The following ADGRG7 variants were observed in gnomAD, a reference collection of about 807,000 sequenced individuals.
ADGRG7 encodes G-protein coupled receptor 128.
A neutral mutation model predicts 88.6 loss-of-function variants in ADGRG7; 82 were observed. That is an observed-to-expected ratio of 0.93 (90% CI 0.77 to 1.11). ADGRG7 has a LOEUF of 1.11. Ranked by LOEUF, ADGRG7 falls within the 50% of genes most tolerant of loss-of-function variation. The pLI, the probability that ADGRG7 is intolerant of heterozygous loss-of-function variation, is 0.00. For synonymous variants in ADGRG7, 381 were observed against 345.2 expected, an observed-to-expected ratio of 1.10 and a Z score of -1.15; for missense variants, 945 against 953.4, an observed-to-expected ratio of 0.99 and a Z score of 0.12.
At chr3:100,622,643 G>T (rs1386399665) in intron 1 of ADGRG7, among the ~76,000 whole-genome samples, 1 of 152,072 alleles carries the variant, frequency 6.6e-6, no homozygotes, top group Non-Finnish European at 1.5e-5. Context: ...TTTACAAATT[G>T]CAATTCTAAT....
chr3:100,669,830 G>T (rs920873404), intron 15 of ADGRG7, among the ~76,000 whole-genome samples: 2 of 152,134 alleles, frequency 1.3e-5, no homozygotes, highest in Non-Finnish European at 2.9e-5. Flanking sequence ...GAGGTCAGGA[G>T]TTCAAGACCA....
intron 15 of ADGRG7, among the ~76,000 whole-genome samples, chr3:100,678,438 T>G (rs1170656316): frequency 6.7e-6 from 1 of 149,342 alleles, no homozygotes; most frequent in Non-Finnish European, 1.5e-5. Flanking sequence ...ACTGGTGCCT[T>G]ATTTATTTAT....
chr3:100,668,886 T>A (rs2094954784), intron 14 of ADGRG7, 63 bp from the exon 15 acceptor site: 9 of 1,218,646 alleles, frequency 7.4e-6, no homozygotes, highest in Non-Finnish European at 1.0e-5. Flanking sequence ...AGGAGAGTAA[T>A]AATGACGTTG....
chr3:100,671,474 T>A (rs2094958566), intron 15 of ADGRG7, among the ~76,000 whole-genome samples: 1 of 152,232 alleles, frequency 6.6e-6, no homozygotes, highest in South Asian at 2.1e-4. Flanking sequence ...ATGGATAGAT[T>A]ACAAAAATTT....
At position 100,633,383 on chromosome 3, in the gene ADGRG7, C is replaced by A; in HGVS notation, c.447+6C>A. On this transcript the variant is annotated splice_donor_region_variant and intron_variant, in intron 4 of 15. Transcript: ENST00000273352. ...TGGAAACCCTGGAAAAGCAGGTATG[C>A]CATATGACTCACTGATGGGCAACTG... The A allele has an allele frequency of 1.3e-6, 2 of 1,505,180 alleles. No homozygotes were observed. Among genetic ancestry groups the A allele is most frequent in the Non-Finnish European group, 1.8e-6 (2 of 1,105,044 alleles). 93.2% of individuals were successfully genotyped at this position (1,505,180 alleles called of 1,614,324 possible).
At chr3:100,661,183 A>G (rs1211988926) in intron 14 of ADGRG7, among the ~76,000 whole-genome samples, 1 of 152,174 alleles carries the variant, frequency 6.6e-6, no homozygotes, top group Non-Finnish European at 1.5e-5. Context: ...TATTAAACAC[A>G]TATACTCTAC....
rs572775732 is a variant in ADGRG7 at position 100,693,124 on chromosome 3, TC to T, written c.2137-1618del. Among the ~76,000 whole-genome samples the T allele has an allele frequency of 3.4e-3, 518 of 152,216 alleles. 5 individuals carry two copies. Among genetic ancestry groups the T allele is most frequent in the Non-Finnish European group, 5.0e-3 (341 of 68,010 alleles). ...TTAGGAAGCACAGAAATATTGGGAGTCCACCCAAACAGGTCCAACAGGATGG... is the reference window on the plus strand; with the variant it reads ...TTAGGAAGCACAGAAATATTGGGAGTCACCCAAACAGGTCCAACAGGATGG... On this transcript the variant is annotated intron_variant, in intron 15 of 15. Transcript: ENST00000273352.
intron 11 of ADGRG7, 169 bp from the exon 12 acceptor site, chr3:100,654,666 G>C (rs2094935098): frequency 3.7e-6 from 2 of 539,416 alleles, no homozygotes; most frequent in Admixed American, 3.4e-5. Flanking sequence ...GGAAAGTATA[G>C]TTTTCTGATG....
chr3:100,628,960 ATCT>A (rs1219652773), intron 1 of ADGRG7, among the ~76,000 whole-genome samples: 1 of 152,046 alleles, frequency 6.6e-6, no homozygotes, highest in Non-Finnish European at 1.5e-5. Flanking sequence ...TCAAGATTAA[ATCT>A]TCTTGGTTTG....
chr3:100,678,117 T>C (rs1286616633), intron 15 of ADGRG7, among the ~76,000 whole-genome samples: 1 of 152,056 alleles, frequency 6.6e-6, no homozygotes, highest in Non-Finnish European at 1.5e-5. Context: ...ATTTTTATTC[T>C]TTTTTCTTCT....
chr3:100,670,582 T>G (rs568347470), intron 15 of ADGRG7, among the ~76,000 whole-genome samples: 14 of 152,176 alleles, frequency 9.2e-5, no homozygotes, highest in Non-Finnish European at 2.1e-4. Flanking sequence ...ATTATTAAAC[T>G]TTAAGTTCTG....
chr3:100,643,154 C>T, intron 6 of ADGRG7, 112 bp from the exon 7 acceptor site: 1 of 956,432 alleles, frequency 1.0e-6, no homozygotes, highest in South Asian at 1.7e-5. Flanking sequence ...TCAATGTTGT[C>T]ATGACCACAC....
intron 15 of ADGRG7, among the ~76,000 whole-genome samples, chr3:100,691,954 G>A (rs551149573): frequency 1.3e-4 from 20 of 152,216 alleles, no homozygotes; most frequent in African/African-American, 4.8e-4. Flanking sequence ...TCAATATCAG[G>A]ATGAGCTATT....
chr3:100,621,051 G>A (rs906094806), intron 1 of ADGRG7, among the ~76,000 whole-genome samples: 7 of 151,956 alleles, frequency 4.6e-5, no homozygotes, highest in East Asian at 3.9e-4. Context: ...TTTGGGTGCC[G>A]TGAACCACGT....
chr3:100,610,790 A>G (rs1250373733), intron 1 of ADGRG7, among the ~76,000 whole-genome samples: 1 of 152,216 alleles, frequency 6.6e-6, no homozygotes, highest in Non-Finnish European at 1.5e-5. Flanking sequence ...GAAACAATAA[A>G]TAAGGGTAAA....
At chr3:100,646,502 A>T in intron 9 of ADGRG7, 67 bp from the exon 10 acceptor site, 2 of 1,277,354 alleles carry the variant, frequency 1.6e-6, no homozygotes, top group Non-Finnish European at 2.2e-6. Flanking sequence ...GTCTTATACT[A>T]CTTGATTTTT....
intron 14 of ADGRG7, among the ~76,000 whole-genome samples, chr3:100,664,645 A>C (rs1462989883): frequency 6.6e-6 from 1 of 152,194 alleles, no homozygotes; most frequent in Non-Finnish European, 1.5e-5. Flanking sequence ...TGATTTGACA[A>C]GTGATAATAA....
chr3:100,694,414 A>C (rs1389468983), intron 15 of ADGRG7, among the ~76,000 whole-genome samples: 1 of 152,210 alleles, frequency 6.6e-6, no homozygotes, highest in Non-Finnish European at 1.5e-5. Flanking sequence ...AGAATTAGGT[A>C]TTTCATAGTT....
rs534917245 is a variant in ADGRG7 at position 100,662,196 on chromosome 3, A to T, written c.1979+2353A>T. On this transcript the variant is annotated intron_variant, in intron 14 of 15. Transcript: ENST00000273352. ...AACAGCCAAATTTAATTTGGCAATA[A>T]ACTCCCCTAACTGGAAATTTTTAGC... Among the ~76,000 whole-genome samples the T allele has an allele frequency of 3.3e-5, 5 of 152,260 alleles. 1 individual carries two copies. The South Asian group carries it at 1.0e-3, about 32-fold the overall frequency.
Sources: allele counts gnomAD v4.1 joint callset (sites outside exome capture counted in the v4.1 genomes callset), GRCh38; gene constraint gnomAD v4.1.1; transcripts MANE v1.5; gene names NCBI Gene and HGNC (gene_info 2026-07-23, HGNC 2026-07-21).